Variants in NTRK3 observed in about 807,000 individuals in gnomAD.
NTRK3 encodes neurotrophic receptor tyrosine kinase 3, also known as NT-3 growth factor receptor.
Under a neutral mutation model 91.7 loss-of-function variants are expected in NTRK3, and 24 were observed. The ratio of observed to expected loss-of-function variants is 0.26; its 90% CI spans 0.19 to 0.37. The LOEUF (loss-of-function observed/expected upper bound fraction) is 0.37. Ranked by LOEUF, NTRK3 falls within the 10% of genes least tolerant of loss-of-function variation. The pLI, the probability that NTRK3 is intolerant of heterozygous loss-of-function variation, is 1.00. For missense variants in NTRK3, 880 were observed against 1,068.9 expected (o/e 0.82, Z 2.46); for synonymous variants, 483 against 404.0 (o/e 1.20, Z -2.34).
intron 14 of NTRK3, among the ~76,000 whole-genome samples, chr15:87,971,298 G>A (rs904953710): frequency 1.5e-4 from 23 of 152,092 alleles, no homozygotes; most frequent in Admixed American, 1.1e-3. Flanking sequence ...TATGGTCGCC[G>A]GTTGGGGGCA....
At chr15:87,897,120 T>C (rs2066174051) in intron 17 of NTRK3, among the ~76,000 whole-genome samples, 1 of 152,074 alleles carries the variant, frequency 6.6e-6, no homozygotes, top group East Asian at 1.9e-4. Context: ...CTTGGAGTCT[T>C]CCAAAAATAC....
intron 3 of NTRK3, among the ~76,000 whole-genome samples, chr15:88,225,760 C>T (rs1012834394): frequency 6.6e-6 from 1 of 152,170 alleles, no homozygotes; most frequent in Non-Finnish European, 1.5e-5. Context: ...TCCAGAAACT[C>T]AGGGAGCCGA....
chr15:88,174,073 G>A (rs2151529458), intron 5 of NTRK3, among the ~76,000 whole-genome samples: 1 of 152,306 alleles, frequency 6.6e-6, no homozygotes, highest in Admixed American at 6.5e-5. Flanking sequence ...CCTCCAGGGA[G>A]GTGAGATGGG....
chr15:88,008,716 G>T (rs912823774), intron 14 of NTRK3, among the ~76,000 whole-genome samples: 2 of 152,044 alleles, frequency 1.3e-5, no homozygotes, highest in Non-Finnish European at 2.9e-5. Context: ...GGCCCCCAGC[G>T]ATTCTTCATA....
intron 3 of NTRK3, among the ~76,000 whole-genome samples, chr15:88,195,323 T>C (rs1739899800): frequency 6.6e-6 from 1 of 152,248 alleles, no homozygotes; most frequent in South Asian, 2.1e-4. Flanking sequence ...CATTGCAGGC[T>C]CCCTGAAGGC....
chr15:88,165,752 T>C (rs1188001367), intron 5 of NTRK3, among the ~76,000 whole-genome samples: 12 of 152,194 alleles, frequency 7.9e-5, no homozygotes, highest in Admixed American at 7.9e-4. Context: ...GTGAGATAGC[T>C]AGTTCAAGGT....
intron 3 of NTRK3, among the ~76,000 whole-genome samples, chr15:88,188,959 AC>A (rs2047167652): frequency 1.3e-5 from 2 of 152,004 alleles, no homozygotes; most frequent in South Asian, 2.1e-4. Context: ...CCCTGCTCCT[AC>A]CCTCTCACCA....
chr15:87,872,835 G>A (rs2064858215), exon 19 of NTRK3: 1 of 232,524 alleles, frequency 4.3e-6, no homozygotes, highest in African/African-American at 2.2e-5. Context: ...TATCAGGTGG[G>A]ACCAGAACCT....
chr15:88,160,418 TG>T (rs1379558741), intron 5 of NTRK3, among the ~76,000 whole-genome samples: 1 of 152,184 alleles, frequency 6.6e-6, no homozygotes, highest in Non-Finnish European at 1.5e-5. Flanking sequence ...CCTAGAGGCT[TG>T]GGGCAGAGTC....
At chr15:88,027,124 A>G (rs984490067) in intron 14 of NTRK3, among the ~76,000 whole-genome samples, 1 of 151,998 alleles carries the variant, frequency 6.6e-6, no homozygotes, top group Non-Finnish European at 1.5e-5. Context: ...AGGCAACGAG[A>G]TTTGATAGGG....
chr15:88,174,295 T>C (rs1453301508), intron 5 of NTRK3, among the ~76,000 whole-genome samples: 1 of 152,124 alleles, frequency 6.6e-6, no homozygotes, highest in Non-Finnish European at 1.5e-5. Context: ...TTATCCAACG[T>C]CACAGCATAA....
chr15:87,886,666 C>A (rs2065551817), intron 17 of NTRK3, among the ~76,000 whole-genome samples: 1 of 71,010 alleles, frequency 1.4e-5, no homozygotes, highest in Non-Finnish European at 3.1e-5. Context: ...GAGAAAAATC[C>A]CACTTTTTGC....
intron 11 of NTRK3, among the ~76,000 whole-genome samples, chr15:88,128,260 G>A (rs1331233902): frequency 6.6e-6 from 1 of 152,188 alleles, no homozygotes; most frequent in Non-Finnish European, 1.5e-5. Flanking sequence ...AGCCTATCAG[G>A]AAACCTTGTA....
intron 14 of NTRK3, among the ~76,000 whole-genome samples, chr15:88,021,098 C>T (rs931653810): frequency 8.5e-5 from 13 of 152,190 alleles, no homozygotes; most frequent in African/African-American, 2.9e-4. Flanking sequence ...GTTAGAAGCA[C>T]CTGCAACAGC....
intron 14 of NTRK3, among the ~76,000 whole-genome samples, chr15:87,965,615 T>A (rs1172737430): frequency 6.6e-6 from 1 of 152,226 alleles, no homozygotes; most frequent in Admixed American, 6.5e-5. Flanking sequence ...CAAAGGACCG[T>A]GGTGTTTATT....
intron 13 of NTRK3, among the ~76,000 whole-genome samples, chr15:88,071,302 T>C (rs4887353): frequency 0.49 from 74,416 of 152,180 alleles, 18,750 homozygotes; most frequent in African/African-American, 0.6. Flanking sequence ...AGGCCTCTCT[T>C]CACCTTGCCT....
Position 88,207,004 on chromosome 15 carries a change from C to G in NTRK3, c.249-22705G>C, listed in dbSNP as rs138131295. ...GTCAGCGCCCCAGGTCTACATTACC[C>G]AGAACCTTCTGTTCCTCCTTCAGGG... On this transcript the variant is annotated intron_variant, in intron 3 of 18. Transcript: ENST00000394480. Among the ~76,000 whole-genome samples, 261 of 152,326 alleles carry G rather than the reference C, an allele frequency of 1.7e-3. 2 individuals are homozygous for G. Among genetic ancestry groups the G allele is most frequent in the Non-Finnish European group, 3.0e-3 (204 of 68,038 alleles).
chr15:88,016,816 T>A (rs560368420), intron 14 of NTRK3, among the ~76,000 whole-genome samples: 1 of 152,306 alleles, frequency 6.6e-6, no homozygotes, highest in East Asian at 1.9e-4. Flanking sequence ...TTTTTTTCTT[T>A]TCTTCCAGGT....
intron 13 of NTRK3, among the ~76,000 whole-genome samples, chr15:88,117,530 A>G (rs1232736806): frequency 6.6e-6 from 1 of 152,246 alleles, no homozygotes; most frequent in African/African-American, 2.4e-5. Context: ...TGGATTTTGT[A>G]TTCAGGAAGC....
Sources: gnomAD v4.1 joint callset for allele counts (sites outside exome capture counted in the v4.1 genomes callset) on GRCh38, gnomAD v4.1.1 for gene constraint, MANE v1.5 for transcripts, NCBI Gene and HGNC (gene_info 2026-07-23, HGNC 2026-07-21) for gene names.